Variants in PRKACB observed in about 807,000 individuals in gnomAD.
PRKACB encodes the protein cAMP-dependent protein kinase catalytic subunit beta.
PRKACB carries 16 observed loss-of-function variants against 51.4 expected under a neutral mutation model. That is an observed-to-expected ratio of 0.31 (90% CI 0.21 to 0.47). PRKACB has a LOEUF of 0.47. Among genes scored for constraint, PRKACB ranks in the 20% least tolerant of loss-of-function variants. PRKACB has a pLI of 1.00. For missense variants in PRKACB, 309 were observed against 464.5 expected, an observed-to-expected ratio of 0.67 and a Z score of 3.08; for synonymous variants, 147 against 154.4, an observed-to-expected ratio of 0.95 and a Z score of 0.35.
At chr1:84,228,746 T>TA (rs1204400674) in intron 9 of PRKACB, among the ~76,000 whole-genome samples, 1 of 152,074 alleles carries the variant, frequency 6.6e-6, no homozygotes, top group African/African-American at 2.4e-5. Context: ...ACTTGGGAAT[T>TA]AAAAAAGGAA....
In PRKACB at chr1:84,204,569, T is replaced by A. The variant is rs1671035816; in HGVS notation, c.906+1764T>A. On this transcript the variant is annotated intron_variant, in intron 8 of 9. Coordinates refer to ENST00000370685, the MANE Select transcript of PRKACB (RefSeq NM_182948.4). ...TTTGAAGAATTTGAGAAGTGTAGAC[T>A]CTCAAGAGGACTAAAGGTCATATGA... 28 of 1,548,222 alleles carry A rather than the reference T, an allele frequency of 1.8e-5. 1 individual carries two copies. In the South Asian group the frequency reaches 3.4e-4, roughly 19 times the overall value.
intron 7 of PRKACB, among the ~76,000 whole-genome samples, chr1:84,199,116 C>CATATATATATATATATACAT (rs1669275435): frequency 9.9e-6 from 1 of 101,512 alleles, no homozygotes; most frequent in Non-Finnish European, 2.2e-5. Flanking sequence ...TATATATATG[C>CATATATATATATATATACAT]ATATATATAT....
chr1:84,198,797 C>T (rs149675207), intron 7 of PRKACB, among the ~76,000 whole-genome samples: 12 of 149,526 alleles, frequency 8.0e-5, no homozygotes, highest in Admixed American at 3.3e-4. Context: ...CCAACCTAGA[C>T]GCAGCCTTTT....
intron 7 of PRKACB, among the ~76,000 whole-genome samples, chr1:84,200,462 T>C (rs1669781724): frequency 6.6e-6 from 1 of 152,232 alleles, no homozygotes. Context: ...TAGTTTCTTT[T>C]GCTGTGCAGA....
intron 1 of PRKACB, among the ~76,000 whole-genome samples, chr1:84,106,565 A>G (rs542763912): frequency 6.6e-6 from 1 of 152,310 alleles, no homozygotes; most frequent in South Asian, 2.1e-4. Flanking sequence ...AAAGAGCTCT[A>G]CAATGAAAAT....
chr1:84,172,381 T>A (rs757248199), intron 1 of PRKACB, among the ~76,000 whole-genome samples: 9 of 151,742 alleles, frequency 5.9e-5, no homozygotes, highest in Non-Finnish European at 1.0e-4. Context: ...AAAGATTGCC[T>A]GGGTCATTAG....
intron 1 of PRKACB, among the ~76,000 whole-genome samples, chr1:84,107,369 A>C (rs957686686): frequency 3.3e-5 from 5 of 152,128 alleles, no homozygotes; most frequent in Admixed American, 3.3e-4. Context: ...GGAGAACCTA[A>C]AACTGTAAAG....
chr1:84,168,699 G>A (rs183506090), intron 1 of PRKACB, among the ~76,000 whole-genome samples: 2 of 151,702 alleles, frequency 1.3e-5, no homozygotes, highest in East Asian at 1.9e-4. Context: ...AACTTGAGTA[G>A]CTTTTCTTTA....
At chr1:84,169,488 C>T (rs1428811390) in intron 1 of PRKACB, among the ~76,000 whole-genome samples, 1 of 151,466 alleles carries the variant, frequency 6.6e-6, no homozygotes, top group Non-Finnish European at 1.5e-5. Context: ...ATAATCATTG[C>T]AGAAAAGTAA....
chr1:84,188,214 ATG>A (rs1476441904), intron 5 of PRKACB, among the ~76,000 whole-genome samples: 11 of 40,858 alleles, frequency 2.7e-4, no homozygotes, highest in African/African-American at 7.6e-4. Context: ...AGAACTAACA[ATG>A]TAACAATGTT....
At chr1:84,114,758 T>C (rs1428434303) in intron 1 of PRKACB, among the ~76,000 whole-genome samples, 1 of 152,150 alleles carries the variant, frequency 6.6e-6, no homozygotes, top group Non-Finnish European at 1.5e-5. Context: ...TCAAATATTT[T>C]AGCTCCCACA....
At position 84,223,886 on chromosome 1, in the gene PRKACB, T is replaced by C. The variant is rs1017256355; in HGVS notation, c.1071+9569T>C. ...TGTTCTTTTGGAGGTGTCATGTTTC[T>C]TTGCTTTTTCATGTTTCTTGTATAC... On this transcript the variant is annotated intron_variant, in intron 9 of 9. Coordinates refer to ENST00000370685, the MANE Select transcript of PRKACB (RefSeq NM_182948.4). 5.9e-5 allele frequency among the ~76,000 whole-genome samples: 9 copies of C among 152,346 alleles called. No individual in the cohort carries two copies. The East Asian group carries it at 1.7e-3, about 29-fold the overall frequency.
chr1:84,158,350 G>T (rs61766379), intron 1 of PRKACB, among the ~76,000 whole-genome samples: 3 of 152,006 alleles, frequency 2.0e-5, no homozygotes, highest in Non-Finnish European at 4.4e-5. Flanking sequence ...CAGTCATTTT[G>T]ATTATGGCCA....
chr1:84,230,524 G>A (rs972131487), intron 9 of PRKACB, among the ~76,000 whole-genome samples: 5 of 152,278 alleles, frequency 3.3e-5, no homozygotes, highest in African/African-American at 7.2e-5. Flanking sequence ...ACCTTGGGCA[G>A]TATGGCCATT....
intron 9 of PRKACB, among the ~76,000 whole-genome samples, chr1:84,218,645 G>C (rs1430986034): frequency 6.6e-6 from 1 of 152,128 alleles, no homozygotes; most frequent in Non-Finnish European, 1.5e-5. Context: ...TTGATATACT[G>C]ATTTCCTTTG....
At chr1:84,200,318 A>C (rs1669719014) in intron 7 of PRKACB, among the ~76,000 whole-genome samples, 1 of 151,942 alleles carries the variant, frequency 6.6e-6, no homozygotes, top group Non-Finnish European at 1.5e-5. Flanking sequence ...TCCTTTGCCC[A>C]CCTTTTCATG....
chr1:84,200,537 CTT>C (rs1294944731), intron 7 of PRKACB, among the ~76,000 whole-genome samples: 9 of 152,128 alleles, frequency 5.9e-5, no homozygotes, highest in African/African-American at 2.2e-4. Flanking sequence ...CTTTTGGTGT[CTT>C]TGTCATGAAA....
chr1:84,102,440 T>C (rs1470786747), intron 1 of PRKACB, among the ~76,000 whole-genome samples: 1 of 152,016 alleles, frequency 6.6e-6, no homozygotes, highest in Non-Finnish European at 1.5e-5. Flanking sequence ...TGTGTGTGGC[T>C]CACGTTACTC....
chr1:84,181,195 C>T (rs964634589), intron 2 of PRKACB, among the ~76,000 whole-genome samples: 13 of 151,626 alleles, frequency 8.6e-5, no homozygotes, highest in African/African-American at 3.2e-4. Context: ...AGATAAAATC[C>T]AACTACAGTG....
Sources: gnomAD v4.1 joint callset for allele counts (sites outside exome capture counted in the v4.1 genomes callset) on GRCh38, gnomAD v4.1.1 for gene constraint, MANE v1.5 for transcripts, NCBI Gene and HGNC (gene_info 2026-07-23, HGNC 2026-07-21) for gene names.